RNF38: variants seen among roughly 807,000 people sequenced by gnomAD.
RNF38 encodes ring finger protein 38, also known as E3 ubiquitin-protein ligase RNF38.
In RNF38, 15 loss-of-function variants were observed where a neutral mutation model predicts 67.2. The ratio of observed to expected loss-of-function variants is 0.22; its 90% CI spans 0.15 to 0.34. The LOEUF is 0.34. RNF38 is among the 10% of genes least tolerant of loss of function. The probability of loss-of-function intolerance (pLI) is 1.00; values close to 1 mark genes in which losing one functional copy is unlikely to be tolerated. For synonymous variants in RNF38, 220 were observed against 218.8 expected, an observed-to-expected ratio of 1.01 and a Z score of -0.05; for missense variants, 524 against 639.9, an observed-to-expected ratio of 0.82 and a Z score of 1.95.
chr9:36,446,244 T>G (rs1839297109), intron 1 of RNF38, among the ~76,000 whole-genome samples: 1 of 152,182 alleles, frequency 6.6e-6, no homozygotes, highest in African/African-American at 2.4e-5. Flanking sequence ...TACACTGATT[T>G]GTATCACAAA....
intron 8 of RNF38, among the ~76,000 whole-genome samples, chr9:36,351,878 A>G (rs938654324): frequency 6.6e-6 from 1 of 152,254 alleles, no homozygotes; most frequent in Admixed American, 6.5e-5. Context: ...GTGGAATGTC[A>G]TATGACTAGA....
intron 2 of RNF38, among the ~76,000 whole-genome samples, chr9:36,383,464 A>G (rs1310300997): frequency 6.6e-6 from 1 of 152,220 alleles, no homozygotes; most frequent in Admixed American, 6.5e-5. Context: ...TGCTGGGATT[A>G]TAAGCATGAG....
chr9:36,480,765 T>C (rs1054056243), intron 1 of RNF38, among the ~76,000 whole-genome samples: 3 of 151,826 alleles, frequency 2.0e-5, no homozygotes, highest in African/African-American at 7.3e-5. Context: ...TTGCCCAGGC[T>C]GGTCTCAAAC....
chr9:36,470,897 G>A (rs1046279001), intron 1 of RNF38, among the ~76,000 whole-genome samples: 2 of 151,978 alleles, frequency 1.3e-5, no homozygotes, highest in Non-Finnish European at 2.9e-5. Flanking sequence ...ATCTGAACCC[G>A]AAGGCCCCTA....
chr9:36,370,039 AT>A (rs1835259667), intron 3 of RNF38, 107 bp from the exon 4 acceptor site: 2 of 871,132 alleles, frequency 2.3e-6, no homozygotes, highest in Non-Finnish European at 3.4e-6. Flanking sequence ...GGTAAGCTTC[AT>A]TATTAAATAA....
chr9:36,388,565 G>C (rs1366651029), intron 2 of RNF38, among the ~76,000 whole-genome samples: 1 of 152,068 alleles, frequency 6.6e-6, no homozygotes, highest in African/African-American at 2.4e-5. Flanking sequence ...AGGAAGTGTA[G>C]CAACACATTT....
At chr9:36,472,835 G>A (rs1358594214) in intron 1 of RNF38, among the ~76,000 whole-genome samples, 4 of 152,150 alleles carry the variant, frequency 2.6e-5, no homozygotes, top group Non-Finnish European at 5.9e-5. Context: ...GCTGGGTACG[G>A]TGGCTCATAT....
intron 6 of RNF38, among the ~76,000 whole-genome samples, chr9:36,356,059 C>T (rs1169736474): frequency 1.3e-5 from 2 of 152,068 alleles, no homozygotes; most frequent in Non-Finnish European, 2.9e-5. Context: ...GTTGGCCAGG[C>T]TGGTCTTGAA....
intron 2 of RNF38, among the ~76,000 whole-genome samples, chr9:36,416,340 C>T (rs374294963): frequency 6.2e-4 from 94 of 152,198 alleles, no homozygotes; most frequent in African/African-American, 2.1e-3. Context: ...ACAGGCCTCA[C>T]CGAATTCCTC....
chr9:36,473,460 C>T (rs549579756), intron 1 of RNF38, among the ~76,000 whole-genome samples: 9 of 150,262 alleles, frequency 6.0e-5, no homozygotes, highest in Admixed American at 1.3e-4. Flanking sequence ...TGGTGGTGCG[C>T]ACCTGTAATC....
intron 2 of RNF38, among the ~76,000 whole-genome samples, chr9:36,416,451 A>T (rs1356554096): frequency 1.3e-5 from 2 of 152,110 alleles, no homozygotes; most frequent in African/African-American, 2.4e-5. Context: ...AGGCTACAAA[A>T]GCCCCTGCTG....
At chr9:36,471,078 A>G (rs1839986870) in intron 1 of RNF38, among the ~76,000 whole-genome samples, 1 of 152,146 alleles carries the variant, frequency 6.6e-6, no homozygotes, top group Admixed American at 6.6e-5. Flanking sequence ...TCAGCCTAAC[A>G]CAACGATGTG....
intron 4 of RNF38, among the ~76,000 whole-genome samples, chr9:36,365,823 G>A (rs1834910203): frequency 6.6e-6 from 1 of 151,406 alleles, no homozygotes; most frequent in Admixed American, 6.6e-5. Context: ...GCGCCACCAT[G>A]CCCAGCTAAT....
chr9:36,397,071 A>ATG (rs143606597), intron 1 of RNF38, among the ~76,000 whole-genome samples: 49,130 of 139,458 alleles, frequency 0.35, 8,664 homozygotes, highest in Non-Finnish European at 0.38. Flanking sequence ...ACGTATATAT[A>ATG]TGTGTGTGTG....
At chr9:36,442,661 C>A (rs1839218685) in intron 1 of RNF38, among the ~76,000 whole-genome samples, 1 of 152,078 alleles carries the variant, frequency 6.6e-6, no homozygotes, top group Admixed American at 6.6e-5. Context: ...GCCCTATAGT[C>A]CCAGCTACTC....
intron 10 of RNF38, among the ~76,000 whole-genome samples, chr9:36,344,262 G>A (rs1338665157): frequency 1.3e-5 from 2 of 152,126 alleles, no homozygotes; most frequent in South Asian, 4.1e-4. Flanking sequence ...TGATCCACTC[G>A]CCTCAGCCTC....
At chr9:36,343,790 G>GTGT (rs1055038974) in intron 10 of RNF38, among the ~76,000 whole-genome samples, 3 of 152,136 alleles carry the variant, frequency 2.0e-5, no homozygotes, top group Non-Finnish European at 4.4e-5. Flanking sequence ...AAAGATGCTA[G>GTGT]ACACAAAAAG....
chr9:36,483,954 C>G (rs1312364936), intron 1 of RNF38, among the ~76,000 whole-genome samples: 2 of 152,178 alleles, frequency 1.3e-5, no homozygotes, highest in African/African-American at 4.8e-5. Flanking sequence ...GTATGGCATC[C>G]AACCCTATCA....
chr9:36,435,831 G>T (rs1839052721), intron 1 of RNF38, among the ~76,000 whole-genome samples: 1 of 152,020 alleles, frequency 6.6e-6, no homozygotes, highest in Admixed American at 6.6e-5. Flanking sequence ...GGGTTTCACG[G>T]TGTTAGCCAG....
Sources: gnomAD v4.1 joint callset for allele counts (sites outside exome capture counted in the v4.1 genomes callset) on GRCh38, gnomAD v4.1.1 for gene constraint, MANE v1.5 for transcripts, NCBI Gene and HGNC (gene_info 2026-07-23, HGNC 2026-07-21) for gene names.